The following CDH23 variants were observed in gnomAD, a reference collection of about 807,000 sequenced individuals.
CDH23 encodes the protein cadherin related 23.
CDH23 carries 189 observed loss-of-function variants against 317.1 expected under a neutral mutation model. The ratio of observed to expected loss-of-function variants is 0.60; its 90% CI spans 0.53 to 0.67. The LOEUF (loss-of-function observed/expected upper bound fraction) is 0.67. Ranked by LOEUF, CDH23 falls within the 30% of genes least tolerant of loss-of-function variation. The pLI is 0.00. For synonymous variants in CDH23, 1,839 were observed against 1,876.8 expected, an observed-to-expected ratio of 0.98 and a Z score of 0.52; for missense variants, 4,401 against 4,592.4, an observed-to-expected ratio of 0.96 and a Z score of 1.20.
At chr10:71,762,067 G>A in intron 38 of CDH23, 1 of 1,544,772 alleles carries the variant, frequency 6.5e-7, no homozygotes, top group South Asian at 1.2e-5. Flanking sequence ...GACTGATCCA[G>A]TGCTACTCCT....
At chr10:71,502,206 C>G (rs543303954) in intron 3 of CDH23, among the ~76,000 whole-genome samples, 5 of 152,346 alleles carry the variant, frequency 3.3e-5, no homozygotes, top group African/African-American at 1.2e-4. Context: ...AGGCAGACCA[C>G]TAGGTTCTTG....
intron 14 of CDH23, among the ~76,000 whole-genome samples, chr10:71,650,101 G>T (rs1863095880): frequency 6.6e-6 from 1 of 152,202 alleles, no homozygotes; most frequent in African/African-American, 2.4e-5. Flanking sequence ...TATCCACAGG[G>T]ACAGGTCCCA....
intron 1 of CDH23, among the ~76,000 whole-genome samples, chr10:71,400,480 C>T (rs1399612548): frequency 2.0e-5 from 3 of 151,854 alleles, no homozygotes; most frequent in Admixed American, 6.6e-5. Context: ...ATTCAGACAT[C>T]GATTTGAAAA....
chr10:71,471,287 C>G (rs538275117), intron 3 of CDH23, among the ~76,000 whole-genome samples: 1 of 152,182 alleles, frequency 6.6e-6, no homozygotes, highest in African/African-American at 2.4e-5. Flanking sequence ...CTCACTCTGC[C>G]GAGTTCAGCA....
At chr10:71,523,598 G>T (rs1336286445) in intron 6 of CDH23, among the ~76,000 whole-genome samples, 1 of 152,156 alleles carries the variant, frequency 6.6e-6, no homozygotes, top group Non-Finnish European at 1.5e-5. Flanking sequence ...GCAGCCGGGG[G>T]GAAATAAATA....
chr10:71,559,698 G>T (rs1857032165), intron 6 of CDH23, among the ~76,000 whole-genome samples: 1 of 152,192 alleles, frequency 6.6e-6, no homozygotes, highest in Non-Finnish European at 1.5e-5. Context: ...AGATGTCCTC[G>T]AGCCATGTCA....
chr10:71,654,164 C>A (rs547812893), intron 14 of CDH23, among the ~76,000 whole-genome samples: 58 of 152,276 alleles, frequency 3.8e-4, no homozygotes, highest in Middle Eastern at 6.8e-3. Context: ...GCCAGGTGTG[C>A]GACCTGTGCG....
In CDH23 at chr10:71,694,188, T is replaced by C; in HGVS notation, c.2218T>C (p.Ser740Pro). ...TTSLLDRETK[S>P]EYILIVRAVD... ...GTCTCTGCTTGACCGAGAGACCAAG[T>C]CTGAATACATCCTCATCGTTCGCGC... is the stretch of plus-strand genomic sequence containing the variant. The change falls in exon 21 of 70, where the codon TCT becomes CCT. Residue 740 changes from serine to proline, a missense_variant. Ser to Pro is a moderately conservative substitution (Grantham distance 74). This residue lies in a region of CDH23 where 3,068 missense variants were observed against 3,203.3 expected (regional missense o/e 0.96). Coordinates refer to ENST00000224721, the MANE Select transcript of CDH23 (RefSeq NM_022124.6). 6.2e-7 allele frequency: 1 copy of C among 1,613,742 alleles called. No homozygotes were observed. Among genetic ancestry groups the C allele is most frequent in the African/African-American group, 1.3e-5 (1 of 74,972 alleles).
chr10:71,505,128 G>A (rs1853563505), intron 3 of CDH23, among the ~76,000 whole-genome samples: 1 of 152,206 alleles, frequency 6.6e-6, no homozygotes, highest in Admixed American at 6.5e-5. Context: ...TTACTGGGGA[G>A]GAGGTTCCAG....
chr10:71,441,051 T>G (rs1474740840), intron 2 of CDH23, among the ~76,000 whole-genome samples: 1 of 152,058 alleles, frequency 6.6e-6, no homozygotes, highest in Non-Finnish European at 1.5e-5. Flanking sequence ...CTCACTCCCA[T>G]CCAGGCAGCC....
chr10:71,774,049 G>GTGCA (rs1554871240), intron 38 of CDH23, among the ~76,000 whole-genome samples: 3 of 145,490 alleles, frequency 2.1e-5, no homozygotes, highest in African/African-American at 7.7e-5. Context: ...GCATGCGCGC[G>GTGCA]CGCACACACA....
At chr10:71,771,043 A>G (rs1268754959) in intron 38 of CDH23, among the ~76,000 whole-genome samples, 4 of 152,178 alleles carry the variant, frequency 2.6e-5, no homozygotes, top group Non-Finnish European at 5.9e-5. Context: ...CTGGTTTGCT[A>G]TGAAGGAGAA....
At chr10:71,688,836 T>C (rs1238696) in intron 19 of CDH23, among the ~76,000 whole-genome samples, 34 of 1,032 alleles carry the variant, frequency 0.033, no homozygotes, top group Admixed American at 0.056. Flanking sequence ...GGTGGTGGAG[T>C]CAGGGGTGGT....
intron 1 of CDH23, among the ~76,000 whole-genome samples, chr10:71,408,656 G>A (rs1848219011): frequency 6.6e-6 from 1 of 152,222 alleles, no homozygotes; most frequent in African/African-American, 2.4e-5. Context: ...CCTGAGGGCT[G>A]TTGGAAACTG....
intron 6 of CDH23, among the ~76,000 whole-genome samples, chr10:71,544,481 G>A (rs1294399782): frequency 6.6e-6 from 1 of 152,178 alleles, no homozygotes; most frequent in Non-Finnish European, 1.5e-5. Flanking sequence ...GGCAGGCAAG[G>A]CAATCAGAGC....
chr10:71,510,885 T>G, intron 4 of CDH23, 69 bp from the exon 5 acceptor site: 11 of 1,510,520 alleles, frequency 7.3e-6, no homozygotes, highest in South Asian at 2.2e-5. Flanking sequence ...TCCCGCCCCA[T>G]TTAGGGCCCA....
chr10:71,799,030 C>T, intron 50 of CDH23, 81 bp from the exon 51 acceptor site: 1 of 1,383,392 alleles, frequency 7.2e-7, no homozygotes, highest in East Asian at 2.3e-5. Flanking sequence ...CCCTCGGAGT[C>T]CAGGTCTTTC....
At chr10:71,469,902 G>T (rs1851429355) in intron 3 of CDH23, among the ~76,000 whole-genome samples, 1 of 152,138 alleles carries the variant, frequency 6.6e-6, no homozygotes, top group Admixed American at 6.5e-5. Context: ...ACCATGCCTG[G>T]CCCATTTGTG....
chr10:71,485,050 G>A (rs1397786662), intron 3 of CDH23, among the ~76,000 whole-genome samples: 20 of 144,992 alleles, frequency 1.4e-4, no homozygotes, highest in African/African-American at 2.6e-4. Context: ...TTTGTGGGAC[G>A]GAGTCTTGCT....
Sources: gnomAD v4.1 joint callset for allele counts (sites outside exome capture counted in the v4.1 genomes callset) on GRCh38, gnomAD v4.1.1 for gene constraint, gnomAD v4.1.1 regional missense constraint, MANE v1.5 for transcripts, NCBI Gene and HGNC (gene_info 2026-07-23, HGNC 2026-07-21) for gene names.